The following CLEC2A variants were observed in gnomAD, a reference collection of about 807,000 sequenced individuals.
The protein encoded by CLEC2A is C-type lectin domain family 2 member A, also known as keratinocyte-associated C-type lectin.
In CLEC2A, 19 loss-of-function variants were observed where a neutral mutation model predicts 18.6. That is an observed-to-expected ratio of 1.02 (90% CI 0.71 to 1.50). The LOEUF is 1.50. CLEC2A is among the 40% of genes most tolerant of loss of function. The pLI, the probability that CLEC2A is intolerant of heterozygous loss-of-function variation, is 0.00. For missense variants in CLEC2A, 190 were observed against 207.9 expected (o/e 0.91, Z 0.53); for synonymous variants, 74 against 64.0 (o/e 1.16, Z -0.75).
chr12:9,916,141 T>C (rs1454941515), intron 4 of CLEC2A, among the ~76,000 whole-genome samples: 1 of 151,912 alleles, frequency 6.6e-6, no homozygotes, highest in African/African-American at 2.4e-5. Context: ...AAGACAACTA[T>C]ACAATCCTCA....
the CLEC2A span, chr12:9,893,617 T>C: frequency 5.8e-6 from 3 of 518,416 alleles, no homozygotes; most frequent in East Asian, 9.9e-5. Flanking sequence ...CACTTTCCAT[T>C]CTTTTTTCCT....
At chr12:9,878,869 C>T in the CLEC2A span, among the ~76,000 whole-genome samples, 4 of 152,090 alleles carry the variant, frequency 2.6e-5, no homozygotes, top group Non-Finnish European at 5.9e-5. Flanking sequence ...TCTTCAAGGT[C>T]AGTTTTGTGA....
intron 4 of CLEC2A, among the ~76,000 whole-genome samples, chr12:9,900,072 A>G (rs984666333): frequency 1.3e-5 from 2 of 152,216 alleles, no homozygotes; most frequent in East Asian, 3.8e-4. Context: ...TGGTGGCTAC[A>G]GTTATGTTGC....
At chr12:9,884,580 A>G in the CLEC2A span, among the ~76,000 whole-genome samples, 4 of 148,798 alleles carry the variant, frequency 2.7e-5, no homozygotes, top group Non-Finnish European at 6.0e-5. Flanking sequence ...AGAATAATAT[A>G]TATGTTTACA....
At chr12:9,884,823 A>C in the CLEC2A span, 1 of 392,708 alleles carries the variant, frequency 2.5e-6, no homozygotes, top group Non-Finnish European at 4.5e-6. Flanking sequence ...TTTAATCATA[A>C]ATTCTAATGA....
chr12:9,924,389 C>T (rs901997134), intron 2 of CLEC2A, among the ~76,000 whole-genome samples: 2 of 152,138 alleles, frequency 1.3e-5, no homozygotes, highest in African/African-American at 2.4e-5. Flanking sequence ...ACTACACTGA[C>T]AGTAGAGACT....
At chr12:9,888,447 G>C in the CLEC2A span, among the ~76,000 whole-genome samples, 10 of 151,658 alleles carry the variant, frequency 6.6e-5, no homozygotes, top group Non-Finnish European at 8.8e-5. Flanking sequence ...CCGAGATTGC[G>C]CCACTGCACT....
chr12:9,893,525 T>C, the CLEC2A span: 1 of 1,470,894 alleles, frequency 6.8e-7, no homozygotes, highest in South Asian at 1.3e-5. Context: ...AGATGAACAC[T>C]TTTTAGTTCC....
At chr12:9,921,432 A>G (rs1386881335) in intron 3 of CLEC2A, among the ~76,000 whole-genome samples, 1 of 152,052 alleles carries the variant, frequency 6.6e-6, no homozygotes, top group African/African-American at 2.4e-5. Context: ...CAAAAAATAA[A>G]CAAAATTAGC....
chr12:9,928,797 A>G (rs952641753), intron 1 of CLEC2A, among the ~76,000 whole-genome samples: 2 of 152,246 alleles, frequency 1.3e-5, no homozygotes, highest in Admixed American at 6.5e-5. Context: ...ACAATGGAAT[A>G]TGACTACATG....
chr12:9,920,565 A>G (rs946528752), intron 3 of CLEC2A, among the ~76,000 whole-genome samples: 2 of 151,968 alleles, frequency 1.3e-5, no homozygotes, highest in African/African-American at 4.8e-5. Flanking sequence ...TTCATTGTCT[A>G]TGGGTTGAGT....
chr12:9,923,628 C>T (rs573160373), intron 2 of CLEC2A, among the ~76,000 whole-genome samples: 11 of 152,162 alleles, frequency 7.2e-5, no homozygotes, highest in African/African-American at 1.9e-4. Context: ...CACATACACA[C>T]GTATGTTTAT....
chr12:9,925,672 T>C (rs539148531), intron 2 of CLEC2A, among the ~76,000 whole-genome samples: 2 of 152,128 alleles, frequency 1.3e-5, no homozygotes, highest in Non-Finnish European at 2.9e-5. Flanking sequence ...TTTTTATAAA[T>C]ATAGAAATTG....
At chr12:9,895,844 A>G, downstream of CLEC2A, 1 of 1,517,798 alleles carries the variant, frequency 6.6e-7, no homozygotes, top group East Asian at 2.5e-5. Context: ...ATGTACAACC[A>G]AACATAGAAA....
chr12:9,898,973 T>C (rs1297607345), exon 5 of CLEC2A: 6 of 714,706 alleles, frequency 8.4e-6, no homozygotes, highest in Non-Finnish European at 1.0e-5. Flanking sequence ...TGGAGTTTGA[T>C]GGCCTGAAAG....
intron 3 of CLEC2A, among the ~76,000 whole-genome samples, chr12:9,918,399 A>G (rs1863107450): frequency 6.6e-6 from 1 of 152,220 alleles, no homozygotes. Context: ...GTCAAAGATC[A>G]GATGGTCGTA....
At chr12:9,925,938 T>G (rs1292094112) in intron 2 of CLEC2A, among the ~76,000 whole-genome samples, 1 of 152,194 alleles carries the variant, frequency 6.6e-6, no homozygotes, top group Non-Finnish European at 1.5e-5. Context: ...CCCTGAGCAA[T>G]GGGACCTAGA....
intron 3 of CLEC2A, among the ~76,000 whole-genome samples, chr12:9,920,714 C>T (rs1041724506): frequency 6.6e-6 from 1 of 152,180 alleles, no homozygotes; most frequent in African/African-American, 2.4e-5. Flanking sequence ...CACTCTCCAA[C>T]CCCCAGCTTT....
At chr12:9,900,869 T>A (rs980311361) in intron 4 of CLEC2A, among the ~76,000 whole-genome samples, 1 of 152,184 alleles carries the variant, frequency 6.6e-6, no homozygotes, top group African/African-American at 2.4e-5. Flanking sequence ...CTTTCTCCAA[T>A]TGTGTCCTGT....
Sources: allele counts gnomAD v4.1 joint callset (sites outside exome capture counted in the v4.1 genomes callset), GRCh38; gene constraint gnomAD v4.1.1; transcripts MANE v1.5; gene names NCBI Gene and HGNC (gene_info 2026-07-23, HGNC 2026-07-21).